Variants in SFSWAP observed in about 807,000 individuals in gnomAD.
The protein encoded by SFSWAP is splicing factor SWAP.
SFSWAP carries 17 observed loss-of-function variants against 100.7 expected under a neutral mutation model. The ratio of observed to expected loss-of-function variants is 0.17; its 90% confidence interval spans 0.12 to 0.25. The LOEUF is 0.25. Among genes scored for constraint, SFSWAP ranks in the 10% least tolerant of loss-of-function variants. SFSWAP has a pLI of 1.00. For missense variants in SFSWAP, 1,005 were observed against 1,262.6 expected, an observed-to-expected ratio of 0.80 and a Z score of 3.09; for synonymous variants, 504 against 510.1, an observed-to-expected ratio of 0.99 and a Z score of 0.16.
intron 14 of SFSWAP, among the ~76,000 whole-genome samples, chr12:131,779,879 C>T (rs867861981): frequency 3.3e-5 from 5 of 152,226 alleles, no homozygotes; most frequent in African/African-American, 1.2e-4. Flanking sequence ...CTCTGCCTCC[C>T]AGGTTCAAGT....
intron 7 of SFSWAP, among the ~76,000 whole-genome samples, chr12:131,746,944 A>G (rs923294822): frequency 6.6e-6 from 1 of 152,064 alleles, no homozygotes; most frequent in Non-Finnish European, 1.5e-5. Flanking sequence ...CTCTACTAAA[A>G]ATACAAAAAA....
intron 6 of SFSWAP, 136 bp downstream of exon 6, chr12:131,727,188 AT>A: frequency 1.6e-6 from 1 of 637,604 alleles, no homozygotes. Context: ...GTGTATTTGC[AT>A]TTTTGTTTTT....
intron 15 of SFSWAP, among the ~76,000 whole-genome samples, chr12:131,793,350 C>T (rs550996459): frequency 6.4e-4 from 97 of 152,284 alleles, no homozygotes; most frequent in Non-Finnish European, 1.1e-3. Context: ...TCCGAAAATG[C>T]TGTGACTGCA....
intron 16 of SFSWAP, 104 bp from the exon 17 acceptor site, chr12:131,798,933 T>C: frequency 1.3e-6 from 1 of 785,372 alleles, no homozygotes; most frequent in Non-Finnish European, 2.2e-6. Context: ...AGTGGGCACT[T>C]CTCAGTTCTA....
rs1011377430 is a variant in SFSWAP, at chr12:131,794,777, C to T, written c.2535-2401C>T. Among the ~76,000 whole-genome samples the T allele has an allele frequency of 1.3e-5, 2 of 152,082 alleles. No individual in the cohort carries two copies. The highest frequency in any genetic ancestry group is 4.8e-5 in the African/African-American group (2 of 41,410). ...CACTTGCCAAGCTCAGCGGCAGCACCGAGGACAGCGTTTCACCCAATGGAC... is the reference window on the plus strand; with the variant it reads ...CACTTGCCAAGCTCAGCGGCAGCACTGAGGACAGCGTTTCACCCAATGGAC... On this transcript the variant is annotated intron_variant, in intron 15 of 17. Transcript: ENST00000261674. This position sits in a 1 kb window ranked among gnomAD's most constrained non-coding sequence, Gnocchi z 4.8.
At position 131,778,672 on chromosome 12, in the gene SFSWAP, C is replaced by T. The variant is rs1043132106; in HGVS notation, c.2408+342C>T. ...AGCTGGGATTACAGGTGCCCACCAC[C>T]ACGCCTGGCTAATTTTTGTATTTTT... On this transcript the variant is annotated intron_variant, in intron 14 of 17. Transcript: ENST00000261674. The surrounding 1 kb of genome is among the most constrained non-coding windows in gnomAD (Gnocchi z 4.2). Among the ~76,000 whole-genome samples the T allele has an allele frequency of 6.6e-6, 1 of 152,134 alleles. No individual in the cohort carries two copies. Among genetic ancestry groups the T allele is most frequent in the African/African-American group, 2.4e-5 (1 of 41,428 alleles).
At position 131,728,400 on chromosome 12, in the gene SFSWAP, G is replaced by C; in HGVS notation, c.1053G>C (p.Gln351His). Residue 351 changes from glutamine (Q) to histidine (H), a missense_variant, in exon 7 of 18, where the codon CAG (glutamine) becomes CAC (histidine). Gln to His is a conservative substitution (Grantham distance 24, BLOSUM62 0). Coordinates refer to ENST00000261674, the MANE Select transcript of SFSWAP (RefSeq NM_004592.4). ...TPHNADGAPV[Q>H]PSQVEYTADS... ...ACAACGCAGACGGTGCGCCTGTGCA[G>C]CCCTCCCAGGTGGAGTACACGGCAG... 2 of 1,614,242 alleles carry C rather than the reference G, an allele frequency of 1.2e-6. No homozygotes were observed. The highest frequency in any genetic ancestry group is 1.7e-6 in the Non-Finnish European group (2 of 1,180,048).
intron 13 of SFSWAP, 107 bp downstream of exon 13, chr12:131,766,415 T>C (rs1342871667): frequency 7.1e-6 from 7 of 989,426 alleles, no homozygotes; most frequent in Admixed American, 4.3e-5. Context: ...GTGAGGGATA[T>C]GAGCTCCCAG....
Position 131,758,204 on chromosome 12 carries a change from C to T in SFSWAP, c.1720+1560C>T, listed in dbSNP as rs1258137153. Among the ~76,000 whole-genome samples, 3 of 152,134 alleles carry T rather than the reference C, an allele frequency of 2.0e-5. No individual in the cohort carries two copies. The East Asian group carries it at 5.8e-4, about 29-fold the overall frequency. On this transcript the variant is annotated intron_variant, in intron 11 of 17. Transcript: ENST00000261674. ...AGAGGGGTTGTGAGCCCAGGGAAGG[C>T]ACCTGACCCCTGCCAGCTGTGGGGC...
At position 131,786,478 on chromosome 12, in the gene SFSWAP, C is replaced by G. The variant is rs1425543964; in HGVS notation, c.2424C>G (p.Ser808=). 3.8e-6 allele frequency: 6 copies of G among 1,587,660 alleles called. No homozygotes were observed. The highest frequency in any genetic ancestry group is 1.3e-5 in the African/African-American group (1 of 74,644). The part of the protein sequence containing the change: ...TVRRSRSRSR[S]PRRRAHSPER... ...CCCTGTCCAGGTCCCGCTCCCGGTC[C>G]CCTCGGAGGAGAGCCCACTCCCCTG... Residue 808 remains serine, a synonymous_variant, in exon 15 of 18, where the codon TCC becomes TCG. Transcript: ENST00000261674.
intron 7 of SFSWAP, among the ~76,000 whole-genome samples, chr12:131,738,234 T>G (rs1880227889): frequency 6.6e-6 from 1 of 152,224 alleles, no homozygotes; most frequent in African/African-American, 2.4e-5. Flanking sequence ...AGTTCTTTAC[T>G]TACTTTCCAA....
intron 11 of SFSWAP, 131 bp from the exon 12 acceptor site, chr12:131,764,325 G>A (rs1036829058): frequency 3.8e-5 from 27 of 704,864 alleles, no homozygotes; most frequent in African/African-American, 1.4e-4. Flanking sequence ...GTCCCCCACC[G>A]TAGACCCTGC....
intron 14 of SFSWAP, among the ~76,000 whole-genome samples, chr12:131,783,244 A>T (rs915931290): frequency 2.0e-5 from 3 of 150,814 alleles, no homozygotes; most frequent in Non-Finnish European, 3.0e-5. Context: ...TTGTATTTTG[A>T]TATTGTATCT....
In SFSWAP at chr12:131,734,748, C is replaced by G. The variant is rs1415837221; in HGVS notation, c.1081+6320C>G. ...TGCTTCCTGGGAGAAGTCACCTGCA[C>G]AGGTACCTTGGATCCAACTGACAGG... On this transcript the variant is annotated intron_variant, in intron 7 of 17. Transcript: ENST00000261674. The surrounding 1 kb of genome is among the most constrained non-coding windows in gnomAD (Gnocchi z 4.9). Among the ~76,000 whole-genome samples, 1 of 152,234 alleles carries G rather than the reference C, an allele frequency of 6.6e-6. No individual in the cohort carries two copies. The highest frequency in any genetic ancestry group is 1.5e-5 in the Non-Finnish European group (1 of 68,042).
At chr12:131,797,729 G>C (rs1208249480) in intron 16 of SFSWAP, among the ~76,000 whole-genome samples, 1 of 152,230 alleles carries the variant, frequency 6.6e-6, no homozygotes, top group Admixed American at 6.5e-5. Flanking sequence ...GGCTGGAGCA[G>C]GTCCCCAGGC....
At chr12:131,750,087 C>G (rs887811970) in intron 7 of SFSWAP, among the ~76,000 whole-genome samples, 4 of 152,228 alleles carry the variant, frequency 2.6e-5, no homozygotes, top group Non-Finnish European at 5.9e-5. Context: ...TGGCCCTGGG[C>G]TGCTCCAGAT....
At chr12:131,723,165 T>C (rs1206194118) in intron 4 of SFSWAP, 1 of 152,208 alleles carries the variant, frequency 6.6e-6, no homozygotes, top group African/African-American at 2.4e-5. Flanking sequence ...ATTTAGGTAC[T>C]GTATTGTCAC....
chr12:131,716,854 G>A (rs577283383), intron 3 of SFSWAP, among the ~76,000 whole-genome samples: 38 of 152,154 alleles, frequency 2.5e-4, no homozygotes, highest in Non-Finnish European at 4.3e-4. Context: ...ATGATGTTCA[G>A]TTTGTTATAA....
chr12:131,729,656 G>C (rs1879319288), intron 7 of SFSWAP, among the ~76,000 whole-genome samples: 1 of 152,198 alleles, frequency 6.6e-6, no homozygotes, highest in South Asian at 2.1e-4. Context: ...AGTGTTTGAC[G>C]TTGGTTCCAG....
Sources: allele counts gnomAD v4.1 joint callset (sites outside exome capture counted in the v4.1 genomes callset), GRCh38; gene constraint gnomAD v4.1.1; non-coding constraint Gnocchi (gnomAD v3.1); transcripts MANE v1.5; gene names NCBI Gene and HGNC (gene_info 2026-07-23, HGNC 2026-07-21).